PMS1: variants seen among roughly 807,000 people sequenced by gnomAD.
The protein encoded by PMS1 is PMS1 homolog 1, mismatch repair system component.
Under a neutral mutation model 93.1 loss-of-function variants are expected in PMS1, and 79 were observed. The ratio of observed to expected loss-of-function variants is 0.85; its 90% confidence interval spans 0.71 to 1.02. The LOEUF is 1.02. PMS1 is among the 50% of genes least tolerant of loss of function. PMS1 has a pLI of 0.00. For missense variants in PMS1, 1,064 were observed against 1,085.3 expected, an observed-to-expected ratio of 0.98 and a Z score of 0.28; for synonymous variants, 335 against 363.4, an observed-to-expected ratio of 0.92 and a Z score of 0.89.
intron 4 of PMS1, among the ~76,000 whole-genome samples, chr2:189,811,607 A>G (rs1254694423): frequency 1.3e-5 from 2 of 152,166 alleles, no homozygotes. Context: ...ACAACAAAAA[A>G]AACTAATAAC....
intron 4 of PMS1, among the ~76,000 whole-genome samples, chr2:189,813,274 A>G (rs2050999143): frequency 6.6e-6 from 1 of 152,228 alleles, no homozygotes; most frequent in African/African-American, 2.4e-5. Context: ...TAGGTGTAGT[A>G]TCAAACCCAA....
rs139132232 is a variant in PMS1, at chr2:189,813,808, C to G, written c.419-4209C>G. 2.0e-3 allele frequency among the ~76,000 whole-genome samples: 306 copies of G among 152,292 alleles called. 1 individual carries two copies. The highest frequency in any genetic ancestry group is 7.0e-3 in the African/African-American group (290 of 41,560). On this transcript the variant is annotated intron_variant, in intron 4 of 12. Coordinates refer to ENST00000441310, the MANE Select transcript of PMS1 (RefSeq NM_000534.5). ...TGTCCATTTCATGTGTTACACGGGA[C>G]TGTTGTTAAGGCAGTGTATCATAGT... is the stretch of plus-strand genomic sequence containing the variant.
At chr2:189,810,502 C>A (rs1250438233) in intron 4 of PMS1, among the ~76,000 whole-genome samples, 3 of 152,108 alleles carry the variant, frequency 2.0e-5, no homozygotes, top group Admixed American at 1.3e-4. Flanking sequence ...CAAGGAGAAA[C>A]CAGCTGAACT....
intron 4 of PMS1, among the ~76,000 whole-genome samples, chr2:189,816,322 C>G (rs1447051476): frequency 6.6e-6 from 1 of 152,154 alleles, no homozygotes; most frequent in African/African-American, 2.4e-5. Flanking sequence ...TGCCCTATAC[C>G]TATCTTAACT....
At chr2:189,828,623 A>G (rs1302785917) in intron 5 of PMS1, among the ~76,000 whole-genome samples, 2 of 152,200 alleles carry the variant, frequency 1.3e-5, no homozygotes, top group Non-Finnish European at 2.9e-5. Flanking sequence ...AAATTAAAAT[A>G]GTTAAAAATC....
chr2:189,854,471 G>GA lies in PMS1; in HGVS notation c.1205dup (p.Asn402LysfsTer3), dbSNP rs746911496. ...AATGATATGCATAATGATGAATCTG[G>GA]AAAAAACACTGATGATTGTTTAAAT... On this transcript the variant is annotated frameshift_variant, in exon 9 of 13. Coordinates refer to ENST00000441310, the MANE Select transcript of PMS1 (RefSeq NM_000534.5). LOFTEE classifies it high-confidence loss of function. The GA allele has an allele frequency of 1.2e-6, 2 of 1,613,344 alleles. No individual in the cohort carries two copies. Among genetic ancestry groups the GA allele is most frequent in the Admixed American group, 1.7e-5 (1 of 59,968 alleles).
Position 189,844,146 on chromosome 2 carries a change from TG to T in PMS1, c.699+71del, listed in dbSNP as rs564255225. The T allele has an allele frequency of 8.6e-4, 1,383 of 1,606,008 alleles. 6 individuals carry two copies. Among genetic ancestry groups the T allele is most frequent in the East Asian group, 4.5e-3 (202 of 44,778 alleles). ...ATGAAGCTGTTCACATATTTCCCTT[TG>T]GGGGAGTTACAGTGGCAAGAGGTTA... On this transcript the variant is annotated intron_variant, in intron 6 of 12. Coordinates refer to ENST00000441310, the MANE Select transcript of PMS1 (RefSeq NM_000534.5).
At position 189,820,933 on chromosome 2, in the gene PMS1, T is replaced by G. The variant is rs149204307; in HGVS notation, c.582+2753T>G. 1.2e-3 allele frequency among the ~76,000 whole-genome samples: 183 copies of G among 152,266 alleles called. 2 individuals carry two copies. The highest frequency in any genetic ancestry group is 3.9e-3 in the African/African-American group (164 of 41,542). ...CATAGAGCTCAACCAAATGATACCT[T>G]GAGATCCTTTCCAGTGCCACCGTGC... On this transcript the variant is annotated intron_variant, in intron 5 of 12. Transcript: ENST00000441310.
intron 3 of PMS1, among the ~76,000 whole-genome samples, chr2:189,803,622 A>G (rs2050082210): frequency 6.6e-6 from 1 of 151,966 alleles, no homozygotes; most frequent in Non-Finnish European, 1.5e-5. Context: ...ACAGCTAATG[A>G]ATTCTGAACC....
chr2:189,858,839 A>T (rs548275208), intron 9 of PMS1, among the ~76,000 whole-genome samples: 3 of 152,256 alleles, frequency 2.0e-5, no homozygotes, highest in African/African-American at 7.2e-5. Context: ...TTACAGTGAA[A>T]TAAGGTCTTT....
intron 11 of PMS1, among the ~76,000 whole-genome samples, chr2:189,872,534 T>C (rs988677950): frequency 4.6e-5 from 7 of 152,224 alleles, no homozygotes; most frequent in African/African-American, 7.2e-5. Flanking sequence ...TCCAAAAATA[T>C]GCATTCTAAA....
intron 5 of PMS1, among the ~76,000 whole-genome samples, chr2:189,823,770 C>T (rs1321514089): frequency 6.6e-6 from 1 of 150,842 alleles, no homozygotes; most frequent in East Asian, 2.0e-4. Flanking sequence ...TTGAATAAGG[C>T]TGTTTTTTAT....
At chr2:189,786,162 G>T (rs1298571113) in intron 1 of PMS1, among the ~76,000 whole-genome samples, 1 of 152,016 alleles carries the variant, frequency 6.6e-6, no homozygotes, top group Non-Finnish European at 1.5e-5. Flanking sequence ...CAGTATGATC[G>T]CCCTAGAGCA....
chr2:189,856,116 G>A (rs2055303121), intron 9 of PMS1, among the ~76,000 whole-genome samples: 1 of 150,046 alleles, frequency 6.7e-6, no homozygotes, highest in African/African-American at 2.4e-5. Context: ...AAAATGAAAA[G>A]CCTCCATAAA....
At position 189,834,105 on chromosome 2, in the gene PMS1, G is replaced by A. The variant is rs538431307; in HGVS notation, c.583-9859G>A. On this transcript the variant is annotated intron_variant, in intron 5 of 12. Transcript: ENST00000441310. ...TAAATGAGAGCATTCACAGCACAGC[G>A]CCTGCTCCATAAGTACTCAGTAGAG... Among the ~76,000 whole-genome samples, 16 of 152,220 alleles carry A rather than the reference G, an allele frequency of 1.1e-4. No individual in the cohort carries two copies. The South Asian group carries it at 2.1e-3, about 20-fold the overall frequency.
intron 11 of PMS1, 40 bp from the exon 12 acceptor site, chr2:189,873,456 A>G: frequency 7.1e-7 from 1 of 1,409,066 alleles, no homozygotes; most frequent in Non-Finnish European, 1.0e-6. Flanking sequence ...ATGTTCTGGA[A>G]TATGAACTTA....
rs191738564 is a variant in PMS1 at position 189,864,439 on chromosome 2, C to T, written c.2342+211C>T. 1.6e-3 allele frequency: 759 copies of T among 481,148 alleles called. 2 individuals carry two copies. Among genetic ancestry groups the T allele is most frequent in the African/African-American group, 0.013 (675 of 50,210 alleles). The allele number at this position is 481,148 out of a possible 1,614,324, so 29.8% of individuals were successfully genotyped here. ...TTGGGAGGCCAAGGTGGGTGGATCA[C>T]GAGGTCAGGAGTTTGAGACCAGCCT... On this transcript the variant is annotated intron_variant, in intron 10 of 12. Transcript: ENST00000441310.
Position 189,795,939 on chromosome 2 carries a change from T to G in PMS1, c.303T>G (p.Cys101Trp). The G allele has an allele frequency of 6.2e-7, 1 of 1,607,940 alleles. No individual in the cohort carries two copies. The highest frequency in any genetic ancestry group is 8.5e-7 in the Non-Finnish European group (1 of 1,174,358). ...GTGGAGAAGCCTTGGGGTCAATTTG[T>G]TGTATAGCTGAGGTAAGGTAATTAT... is the stretch of plus-strand genomic sequence containing the variant. ...GFRGEALGSI[C>W]CIAEVLITTR... is the part of the protein sequence containing the mutation. Residue 101 changes from cysteine (C) to tryptophan (W), a missense_variant, in exon 3 of 13, where the codon TGT becomes TGG. Physicochemically the swap from Cys to Trp is radical, Grantham distance 215. Transcript: ENST00000441310.
chr2:189,826,671 A>G (rs553760145), intron 5 of PMS1, among the ~76,000 whole-genome samples: 1 of 152,234 alleles, frequency 6.6e-6, no homozygotes, highest in East Asian at 1.9e-4. Context: ...TTATTCCTCA[A>G]CTGCTCTCAT....
Sources: gnomAD v4.1 joint callset for allele counts (sites outside exome capture counted in the v4.1 genomes callset) on GRCh38, gnomAD v4.1.1 for gene constraint, MANE v1.5 for transcripts, NCBI Gene and HGNC (gene_info 2026-07-23, HGNC 2026-07-21) for gene names.